Variants in CCDC32 observed in about 807,000 individuals in gnomAD.
CCDC32 encodes coiled-coil domain containing 32, also known as coiled-coil domain-containing protein 32.
A neutral mutation model predicts 20.1 loss-of-function variants in CCDC32; 9 were observed. The observed-to-expected ratio is 0.45, with a 90% CI of 0.27 to 0.78. The LOEUF (loss-of-function observed/expected upper bound fraction) is 0.78. Among genes scored for constraint, CCDC32 ranks in the 30% least tolerant of loss-of-function variants. CCDC32 has a pLI of 0.16. For missense variants in CCDC32, 204 were observed against 215.5 expected (o/e 0.95, Z 0.33); for synonymous variants, 63 against 79.0 (o/e 0.80, Z 1.07).
chr15:40,528,242 C>T (rs1271510285), downstream of CCDC32, among the ~76,000 whole-genome samples: 1 of 152,218 alleles, frequency 6.6e-6, no homozygotes. Context: ...TCTCCCTCAC[C>T]ACCACCCTCT....
chr15:40,564,865 A>C, intron 1 of CCDC32, 111 bp downstream of exon 1: 1 of 1,569,072 alleles, frequency 6.4e-7, no homozygotes, highest in Non-Finnish European at 8.8e-7. Flanking sequence ...TCAGGTCTCT[A>C]GGGCTGTCTG....
downstream of CCDC32, chr15:40,532,397 G>C: frequency 3.0e-6 from 2 of 674,526 alleles, no homozygotes; most frequent in Non-Finnish European, 5.4e-6. Context: ...GATATCACCC[G>C]TCTTACTGCT....
intron 1 of CCDC32, among the ~76,000 whole-genome samples, chr15:40,563,430 G>A (rs531209644): frequency 4.6e-5 from 7 of 152,208 alleles, no homozygotes; most frequent in African/African-American, 1.4e-4. Context: ...GGCAGATACT[G>A]TGATTCCACT....
chr15:40,555,650 G>C (rs564789804), intron 3 of CCDC32, among the ~76,000 whole-genome samples: 3 of 152,316 alleles, frequency 2.0e-5, no homozygotes, highest in African/African-American at 7.2e-5. Context: ...GATTTCTGAA[G>C]CATCTAGAGG....
the CCDC32 span, among the ~76,000 whole-genome samples, chr15:40,523,151 G>A: frequency 2.6e-5 from 4 of 151,624 alleles, no homozygotes; most frequent in Non-Finnish European, 5.9e-5. Flanking sequence ...CTCCCAAAGT[G>A]CTGGGATTAC....
downstream of CCDC32, among the ~76,000 whole-genome samples, chr15:40,528,076 G>A (rs1378605902): frequency 2.6e-5 from 4 of 152,196 alleles, no homozygotes; most frequent in South Asian, 2.1e-4. Flanking sequence ...CAGCCTCAGC[G>A]GTCGATACTG....
rs1889988955 is a variant in CCDC32, at chr15:40,553,263, C to G, written c.*708G>C. 1.0e-6 allele frequency: 1 copy of G among 985,322 alleles called. No homozygotes were observed. The highest frequency in any genetic ancestry group is 1.2e-6 in the Non-Finnish European group (1 of 829,950). The allele number at this position is 985,322 out of a possible 1,614,324, so 61.0% of individuals were successfully genotyped here. ...CCATATTTACAAGTCTAATTTGGAA[C>G]CTGGCCCTTTTTAAGTGCAGGAGGA... On this transcript the variant is annotated 3_prime_UTR_variant, in exon 4 of 4. Transcript: ENST00000416810.
At chr15:40,538,979 G>A (rs1342316969), downstream of CCDC32, 3 of 498,222 alleles carry the variant, frequency 6.0e-6, no homozygotes, top group African/African-American at 3.9e-5. Flanking sequence ...GAGCCTGCTG[G>A]TGACCAGCCT....
At chr15:40,529,024 C>T (rs1311829333) in intron 3 of CCDC32, among the ~76,000 whole-genome samples, 2 of 152,182 alleles carry the variant, frequency 1.3e-5, no homozygotes, top group African/African-American at 2.4e-5. Flanking sequence ...GATTCTCTTC[C>T]CTGGTGAAGG....
exon 4 of CCDC32, chr15:40,539,276 T>G: frequency 1.3e-6 from 2 of 1,535,614 alleles, no homozygotes; most frequent in Middle Eastern, 1.7e-4. Flanking sequence ...CTTCGCCACC[T>G]CTGCTCAGCA....
At chr15:40,525,851 C>G (rs190961422), downstream of CCDC32, among the ~76,000 whole-genome samples, 5 of 152,350 alleles carry the variant, frequency 3.3e-5, no homozygotes, top group Admixed American at 3.3e-4. Flanking sequence ...TCTGGTCCAC[C>G]CAATGCCCTG....
downstream of CCDC32, among the ~76,000 whole-genome samples, chr15:40,551,491 A>T (rs1158714233): frequency 6.6e-6 from 1 of 152,122 alleles, no homozygotes. Context: ...ATGACCGTCA[A>T]TATTCTGGCT....
intron 3 of CCDC32, among the ~76,000 whole-genome samples, chr15:40,541,255 A>G (rs761466784): frequency 6.6e-6 from 1 of 151,992 alleles, no homozygotes; most frequent in Admixed American, 6.5e-5. Flanking sequence ...GCAAACCTCA[A>G]CCAATGAAGG....
chr15:40,552,265 T>C (rs1229258762), downstream of CCDC32, among the ~76,000 whole-genome samples: 1 of 151,954 alleles, frequency 6.6e-6, no homozygotes, highest in Middle Eastern at 3.2e-3. Flanking sequence ...GCAGATCACC[T>C]GAGGTCAGGA....
downstream of CCDC32, among the ~76,000 whole-genome samples, chr15:40,533,557 G>C (rs1470994288): frequency 2.0e-5 from 3 of 151,954 alleles, no homozygotes; most frequent in African/African-American, 7.3e-5. Context: ...TATTGGCCAA[G>C]CTGGTCTCGA....
downstream of CCDC32, among the ~76,000 whole-genome samples, chr15:40,526,141 T>TA (rs765826562): frequency 2.7e-4 from 41 of 152,280 alleles, 1 homozygote; most frequent in Middle Eastern, 6.8e-3. Flanking sequence ...CAGAGAAAGT[T>TA]AAAGCTGCTC....
chr15:40,553,087 CA>C (rs1889975405), downstream of CCDC32: 1 of 982,198 alleles, frequency 1.0e-6, no homozygotes, highest in African/African-American at 1.8e-5. Flanking sequence ...AACAGCACCA[CA>C]GACACTGCTA....
chr15:40,530,517 G>C (rs1309400582), downstream of CCDC32, among the ~76,000 whole-genome samples: 1 of 86,806 alleles, frequency 1.2e-5, no homozygotes, highest in African/African-American at 4.6e-5. Flanking sequence ...TTGTTTAAAA[G>C]AGCCTGGCAC....
At chr15:40,555,138 TAGAA>T (rs1566983638) in intron 3 of CCDC32, among the ~76,000 whole-genome samples, 1 of 152,148 alleles carries the variant, frequency 6.6e-6, no homozygotes, top group Non-Finnish European at 1.5e-5. Flanking sequence ...TGGATAATGA[TAGAA>T]AGAAACATTC....
Sources: gnomAD v4.1 joint callset for allele counts (sites outside exome capture counted in the v4.1 genomes callset) on GRCh38, gnomAD v4.1.1 for gene constraint, MANE v1.5 for transcripts, NCBI Gene and HGNC (gene_info 2026-07-23, HGNC 2026-07-21) for gene names.